The following B3GALT1 variants were observed in gnomAD, a reference collection of about 807,000 sequenced individuals.
B3GALT1 encodes the protein beta-1,3-galactosyltransferase 1.
In B3GALT1, 10 loss-of-function variants were observed where a neutral mutation model predicts 23.2. The ratio of observed to expected loss-of-function variants is 0.43; its 90% CI spans 0.27 to 0.73. B3GALT1 has a LOEUF of 0.73. Ranked by LOEUF, B3GALT1 falls within the 30% of genes least tolerant of loss-of-function variation. The pLI, the probability that B3GALT1 is intolerant of heterozygous loss-of-function variation, is 0.21. For missense variants in B3GALT1, 299 were observed against 405.4 expected (o/e 0.74, Z 2.25); for synonymous variants, 156 against 141.5 (o/e 1.10, Z -0.73).
chr2:167,714,281 G>T, intron 3 of B3GALT1: 1 of 1,500,656 alleles, frequency 6.7e-7, no homozygotes, highest in Non-Finnish European at 9.3e-7. Flanking sequence ...CCATGGAGAT[G>T]AGAGGGACCC....
At chr2:167,641,574 A>G (rs141885816) in intron 2 of B3GALT1, among the ~76,000 whole-genome samples, 5 of 152,314 alleles carry the variant, frequency 3.3e-5, no homozygotes, top group Non-Finnish European at 5.9e-5. Flanking sequence ...AGCTGCTATT[A>G]TTTTTATTAC....
In B3GALT1 at chr2:167,322,794, G is replaced by T. The variant is rs995306048; in HGVS notation, c.-511+29460G>T. 3.3e-5 allele frequency among the ~76,000 whole-genome samples: 5 copies of T among 151,998 alleles called. No homozygotes were observed. In the South Asian group the frequency reaches 1.0e-3, roughly 31 times the overall value. On this transcript the variant is annotated intron_variant, in intron 1 of 4. Coordinates refer to ENST00000392690, the MANE Select transcript of B3GALT1 (RefSeq NM_020981.4). ...AGACCTCTCTGAATCTGAATTACTG[G>T]TGAGCTTTTTAGTCTTGATTTTAAA... is the stretch of plus-strand genomic sequence containing the variant.
chr2:167,749,461 T>C (rs1159561873), intron 3 of B3GALT1, among the ~76,000 whole-genome samples: 1 of 152,192 alleles, frequency 6.6e-6, no homozygotes, highest in Non-Finnish European at 1.5e-5. Context: ...ATTGTCCTTG[T>C]ATTTCATAAG....
chr2:167,296,287 TATTTA>T (rs1456447922), intron 1 of B3GALT1, among the ~76,000 whole-genome samples: 6 of 149,642 alleles, frequency 4.0e-5, no homozygotes, highest in African/African-American at 1.5e-4. Context: ...AAATAAAACT[TATTTA>T]ATTTGTCAGA....
chr2:167,573,231 T>C (rs1278524865), intron 2 of B3GALT1, among the ~76,000 whole-genome samples: 2 of 151,730 alleles, frequency 1.3e-5, no homozygotes, highest in African/African-American at 4.8e-5. Context: ...GAAAATACAA[T>C]ATTTATATTT....
At chr2:167,379,585 A>T (rs1053976182) in intron 1 of B3GALT1, among the ~76,000 whole-genome samples, 1 of 152,152 alleles carries the variant, frequency 6.6e-6, no homozygotes, top group African/African-American at 2.4e-5. Context: ...TGATGCTTAA[A>T]GGTAAGAGTT....
intron 3 of B3GALT1, among the ~76,000 whole-genome samples, chr2:167,737,511 T>G (rs1687511731): frequency 6.6e-6 from 1 of 152,216 alleles, no homozygotes; most frequent in South Asian, 2.1e-4. Flanking sequence ...TAAATTGAAG[T>G]GTGCTCAGAA....
intron 1 of B3GALT1, among the ~76,000 whole-genome samples, chr2:167,337,845 C>T (rs1305899347): frequency 6.6e-6 from 1 of 152,034 alleles, no homozygotes; most frequent in Non-Finnish European, 1.5e-5. Context: ...TTTGTTTCCC[C>T]CAGTTATTAA....
At chr2:167,690,333 A>T (rs941952320) in intron 3 of B3GALT1, among the ~76,000 whole-genome samples, 4 of 152,088 alleles carry the variant, frequency 2.6e-5, no homozygotes, top group African/African-American at 9.7e-5. Flanking sequence ...GAAAATAATT[A>T]CTCAGTAAAA....
intron 1 of B3GALT1, among the ~76,000 whole-genome samples, chr2:167,487,236 A>G (rs535222416): frequency 1.3e-5 from 2 of 152,322 alleles, no homozygotes; most frequent in East Asian, 1.9e-4. Flanking sequence ...TTGTCCTGCC[A>G]GTAGACTGTA....
At chr2:167,864,249 A>T (rs1479911163) in intron 4 of B3GALT1, among the ~76,000 whole-genome samples, 2 of 152,172 alleles carry the variant, frequency 1.3e-5, no homozygotes, top group South Asian at 2.1e-4. Flanking sequence ...ATGGAACCAC[A>T]TCTAAGAAAA....
intron 1 of B3GALT1, among the ~76,000 whole-genome samples, chr2:167,440,439 T>C (rs1475158141): frequency 6.6e-6 from 1 of 151,006 alleles, no homozygotes; most frequent in East Asian, 1.9e-4. Context: ...GACTTCCAAA[T>C]ACTGATTTAA....
intron 3 of B3GALT1, among the ~76,000 whole-genome samples, chr2:167,808,422 T>A (rs1336321612): frequency 6.6e-6 from 1 of 151,306 alleles, no homozygotes; most frequent in Non-Finnish European, 1.5e-5. Flanking sequence ...GTTTGGCATG[T>A]TTTTGCAGTG....
At chr2:167,542,900 A>G (rs1683556993) in intron 2 of B3GALT1, among the ~76,000 whole-genome samples, 2 of 151,918 alleles carry the variant, frequency 1.3e-5, no homozygotes, top group African/African-American at 4.8e-5. Flanking sequence ...TGTACCCTAT[A>G]AGTTAAAAAA....
chr2:167,300,897 T>C (rs1165458854), intron 1 of B3GALT1, among the ~76,000 whole-genome samples: 1 of 152,162 alleles, frequency 6.6e-6, no homozygotes, highest in Non-Finnish European at 1.5e-5. Context: ...CAATTACAAG[T>C]AAATGGAAAA....
At chr2:167,381,701 T>C (rs770721664) in intron 1 of B3GALT1, among the ~76,000 whole-genome samples, 2 of 152,246 alleles carry the variant, frequency 1.3e-5, no homozygotes, top group African/African-American at 2.4e-5. Flanking sequence ...TGATTTACCA[T>C]TGCCAACTTT....
chr2:167,340,715 G>A (rs1359061294), intron 1 of B3GALT1, among the ~76,000 whole-genome samples: 1 of 152,150 alleles, frequency 6.6e-6, no homozygotes, highest in Non-Finnish European at 1.5e-5. Flanking sequence ...AGAAGGAAGA[G>A]CAAAGATCTT....
chr2:167,765,058 A>G lies in B3GALT1; in HGVS notation c.-351-53614A>G, dbSNP rs143790168. ...AAACCGTTCACGCTGGCATTTTGGA[A>G]GGAGTAGGGACTCCGTCCAGTTCTA... On this transcript the variant is annotated intron_variant, in intron 3 of 4. Coordinates refer to ENST00000392690, the MANE Select transcript of B3GALT1 (RefSeq NM_020981.4). Among the ~76,000 whole-genome samples, 242 of 152,292 alleles carry G rather than the reference A, an allele frequency of 1.6e-3. 4 individuals are homozygous for G. The highest frequency in any genetic ancestry group is 0.014 in the Admixed American group (215 of 15,286).
At chr2:167,674,076 T>TA (rs1686382116) in intron 3 of B3GALT1, among the ~76,000 whole-genome samples, 1 of 152,136 alleles carries the variant, frequency 6.6e-6, no homozygotes. Flanking sequence ...CAACAAGTGG[T>TA]CTCAGGATCT....
Sources: allele counts gnomAD v4.1 joint callset (sites outside exome capture counted in the v4.1 genomes callset), GRCh38; gene constraint gnomAD v4.1.1; transcripts MANE v1.5; gene names NCBI Gene and HGNC (gene_info 2026-07-23, HGNC 2026-07-21).